The following OTOGL variants were observed in gnomAD, a reference collection of about 807,000 sequenced individuals.
OTOGL encodes otogelin-like protein.
OTOGL carries 285 observed loss-of-function variants against 318.5 expected under a neutral mutation model. The observed-to-expected ratio is 0.89, with a 90% CI of 0.81 to 0.99. OTOGL has a LOEUF of 0.99. Ranked by LOEUF, OTOGL falls within the 50% of genes least tolerant of loss-of-function variation. The pLI, the probability that OTOGL is intolerant of heterozygous loss-of-function variation, is 0.00. For synonymous variants in OTOGL, 987 were observed against 936.5 expected (o/e 1.05, Z -0.99); for missense variants, 2,899 against 2,845.6 (o/e 1.02, Z -0.43).
intron 29 of OTOGL, among the ~76,000 whole-genome samples, chr12:80,308,591 G>C (rs1236545739): frequency 3.3e-5 from 5 of 152,118 alleles, no homozygotes; most frequent in South Asian, 4.2e-4. Flanking sequence ...CTGCAATCTC[G>C]GCACTTTGGG....
At chr12:80,288,126 G>A (rs1362658335) in intron 26 of OTOGL, among the ~76,000 whole-genome samples, 1 of 152,130 alleles carries the variant, frequency 6.6e-6, no homozygotes, top group Non-Finnish European at 1.5e-5. Flanking sequence ...TTGCTTGTCT[G>A]TAAAGGATTT....
chr12:80,151,264 G>A (rs1461922716), intron 1 of OTOGL, among the ~76,000 whole-genome samples: 1 of 152,142 alleles, frequency 6.6e-6, no homozygotes, highest in Non-Finnish European at 1.5e-5. Context: ...AGACTAAGAG[G>A]CAAACTAAGA....
At chr12:80,316,595 C>T (rs1886988853) in intron 32 of OTOGL, among the ~76,000 whole-genome samples, 1 of 152,082 alleles carries the variant, frequency 6.6e-6, no homozygotes, top group Admixed American at 6.6e-5. Flanking sequence ...GAACATGGGG[C>T]ATTTGGCCTT....
intron 1 of OTOGL, among the ~76,000 whole-genome samples, chr12:80,147,540 G>A (rs925769361): frequency 6.6e-6 from 1 of 151,722 alleles, no homozygotes; most frequent in African/African-American, 2.4e-5. Flanking sequence ...TGGTGATTTG[G>A]GGTGGAGAGT....
At position 80,335,950 on chromosome 12, in the gene OTOGL, T is replaced by G; in HGVS notation, c.4423-13T>G. On this transcript the variant is annotated splice_polypyrimidine_tract_variant and intron_variant, in intron 38 of 58. Transcript: ENST00000547103. ...GAGAATGAAAAAACCCACTAATCTTTTTTTATTAACAGCCTCAGAAATTTG... is the reference window on the plus strand; with the variant it reads ...GAGAATGAAAAAACCCACTAATCTTGTTTTATTAACAGCCTCAGAAATTTG... 9.3e-6 allele frequency: 14 copies of G among 1,497,390 alleles called. No homozygotes were observed. The highest frequency in any genetic ancestry group is 1.2e-5 in the Non-Finnish European group (14 of 1,126,726). 92.8% of individuals were successfully genotyped at this position (1,497,390 alleles called of 1,614,324 possible).
intron 19 of OTOGL, 123 bp downstream of exon 19, chr12:80,262,216 C>A: frequency 9.9e-7 from 1 of 1,012,178 alleles, no homozygotes; most frequent in Non-Finnish European, 1.3e-6. Flanking sequence ...AAAATCAATG[C>A]CATTCCTCGT....
At chr12:80,306,799 TA>T (rs1565970269) in intron 29 of OTOGL, among the ~76,000 whole-genome samples, 4 of 147,264 alleles carry the variant, frequency 2.7e-5, no homozygotes, top group African/African-American at 1.0e-4. Context: ...TTTATTTTAT[TA>T]TTATTATTAT....
At chr12:80,146,723 C>A (rs1419633922) in intron 1 of OTOGL, among the ~76,000 whole-genome samples, 1 of 151,908 alleles carries the variant, frequency 6.6e-6, no homozygotes. Context: ...TTGATTATTG[C>A]CACAATTTCA....
chr12:80,148,674 G>A lies in OTOGL; in HGVS notation c.-20+49069G>A, dbSNP rs1038222818. On this transcript the variant is annotated intron_variant, in intron 1 of 58. Coordinates refer to ENST00000547103, the MANE Select transcript of OTOGL (RefSeq NM_001378609.3). Reference sequence around the variant, plus strand: ...TTTTCAACTTGGTTCCATTCTCCTCGTCACTTTCAGGTACACGAATCAGAT... The same window carrying A: ...TTTTCAACTTGGTTCCATTCTCCTCATCACTTTCAGGTACACGAATCAGAT... 1.8e-4 allele frequency among the ~76,000 whole-genome samples: 27 copies of A among 152,238 alleles called. No homozygotes were observed. The South Asian group carries it at 1.9e-3, about 11-fold the overall frequency.
chr12:80,357,191 A>G (rs1443947477), intron 49 of OTOGL, among the ~76,000 whole-genome samples: 1 of 152,100 alleles, frequency 6.6e-6, no homozygotes, highest in African/African-American at 2.4e-5. Flanking sequence ...CCTTTTTTCG[A>G]AGAAAAATTT....
chr12:80,311,327 ATGT>A (rs1315127361), intron 30 of OTOGL, among the ~76,000 whole-genome samples: 2 of 152,350 alleles, frequency 1.3e-5, no homozygotes, highest in South Asian at 4.1e-4. Flanking sequence ...GTGAGCTAAG[ATGT>A]TGTTTTTCTC....
intron 1 of OTOGL, among the ~76,000 whole-genome samples, chr12:80,195,576 G>C (rs1470090268): frequency 6.6e-6 from 1 of 152,172 alleles, no homozygotes; most frequent in East Asian, 1.9e-4. Flanking sequence ...ACTTATTAAT[G>C]AGCCATCTTT....
chr12:80,146,192 G>T lies in OTOGL; in HGVS notation c.-20+46587G>T, dbSNP rs1872343253. Among the ~76,000 whole-genome samples the T allele has an allele frequency of 2.0e-5, 3 of 147,664 alleles. No homozygotes were observed. In the South Asian group the frequency reaches 6.3e-4, roughly 31 times the overall value. On this transcript the variant is annotated intron_variant, in intron 1 of 58. Transcript: ENST00000547103. ...CCATTCAGTATGATATTGGCTGTGG[G>T]TTTGTCATAGATAGCTCTTATTATT... is the stretch of plus-strand genomic sequence containing the variant.
rs1451175914 is a variant in OTOGL at position 80,279,219 on chromosome 12, A to G, written c.2928+53A>G. ...GCATTCGTGTAAAGATTTAATGTAA[A>G]AAACAAGTATGCTGGTCCCTGATAT... On this transcript the variant is annotated intron_variant, in intron 26 of 58. Coordinates refer to ENST00000547103, the MANE Select transcript of OTOGL (RefSeq NM_001378609.3). 3.4e-6 allele frequency: 5 copies of G among 1,489,518 alleles called. No individual in the cohort carries two copies. In the African/African-American group the frequency reaches 4.2e-5, roughly 13 times the overall value. 92.3% of individuals were successfully genotyped at this position (1,489,518 alleles called of 1,614,324 possible). A position where few individuals can be genotyped will look rare whatever the true frequency, so the allele number is the denominator to read the frequency against.
intron 1 of OTOGL, among the ~76,000 whole-genome samples, chr12:80,108,759 A>G (rs1869607668): frequency 8.0e-6 from 1 of 124,500 alleles, no homozygotes; most frequent in Non-Finnish European, 1.7e-5. Context: ...AAAAAAATAT[A>G]TATATATACA....
intron 1 of OTOGL, among the ~76,000 whole-genome samples, chr12:80,126,063 A>G (rs922848229): frequency 1.3e-5 from 2 of 151,776 alleles, no homozygotes; most frequent in African/African-American, 4.8e-5. Context: ...GATCTTAGTT[A>G]TTTCTTGCCT....
chr12:80,294,084 A>G (rs769722210), intron 26 of OTOGL, among the ~76,000 whole-genome samples: 1 of 152,176 alleles, frequency 6.6e-6, no homozygotes, highest in Non-Finnish European at 1.5e-5. Context: ...CCCAGGTGAC[A>G]CATTGATGTT....
chr12:80,270,276 C>T, intron 23 of OTOGL, 122 bp downstream of exon 23: 2 of 765,762 alleles, frequency 2.6e-6, no homozygotes, highest in East Asian at 2.7e-5. Flanking sequence ...TGGGAATGTT[C>T]TTCAACATGG....
In OTOGL at chr12:80,129,053, C is replaced by A. The variant is rs562610940; in HGVS notation, c.-20+29448C>A. On this transcript the variant is annotated intron_variant, in intron 1 of 58. Transcript: ENST00000547103. ...GTGCACTGCACCCACTGTCCTGCAC[C>A]CACTGTCTGACAATCCCCAGTGAGA... Among the ~76,000 whole-genome samples, 396 of 152,272 alleles carry A rather than the reference C, an allele frequency of 2.6e-3. 3 individuals are homozygous for A. The highest frequency in any genetic ancestry group is 9.0e-3 in the African/African-American group (374 of 41,564).
Sources: allele counts gnomAD v4.1 joint callset (sites outside exome capture counted in the v4.1 genomes callset), GRCh38; gene constraint gnomAD v4.1.1; transcripts MANE v1.5; gene names NCBI Gene and HGNC (gene_info 2026-07-23, HGNC 2026-07-21).